SH3RF3: variants seen among roughly 807,000 people sequenced by gnomAD.
SH3RF3 encodes the protein E3 ubiquitin-protein ligase SH3RF3.
A neutral mutation model predicts 66.3 loss-of-function variants in SH3RF3; 29 were observed. The ratio of observed to expected loss-of-function variants is 0.44; its 90% CI spans 0.33 to 0.60. SH3RF3 has a LOEUF of 0.60. Ranked by LOEUF, SH3RF3 falls within the 20% of genes least tolerant of loss-of-function variation. SH3RF3 has a pLI of 0.04. For synonymous variants in SH3RF3, 583 were observed against 532.0 expected (o/e 1.10, Z -1.32); for missense variants, 1,194 against 1,190.9 (o/e 1.00, Z -0.04).
At chr2:109,231,544 C>G (rs1315767836) in intron 1 of SH3RF3, among the ~76,000 whole-genome samples, 1 of 152,202 alleles carries the variant, frequency 6.6e-6, no homozygotes, top group African/African-American at 2.4e-5. Context: ...GATTTTTCCA[C>G]TTGGGCTTTT....
chr2:109,375,402 C>T (rs974683774), intron 3 of SH3RF3, among the ~76,000 whole-genome samples: 1 of 152,228 alleles, frequency 6.6e-6, no homozygotes, highest in Non-Finnish European at 1.5e-5. Context: ...CGCCCCTTGC[C>T]AGGAGCCTAG....
Position 109,282,501 on chromosome 2 carries a change from C to T in SH3RF3, c.574-65173C>T, listed in dbSNP as rs560399045. The stretch of plus-strand genomic sequence containing the variant: ...GGCCCGAGGGTCACCAAGACGCCGG[C>T]CTGCCCTGCGGTGGGAGGACAGGGG... On this transcript the variant is annotated intron_variant, in intron 1 of 9. Transcript: ENST00000309415. Among the ~76,000 whole-genome samples the T allele has an allele frequency of 2.6e-5, 4 of 152,274 alleles. No individual in the cohort carries two copies. In the South Asian group the frequency reaches 8.3e-4, roughly 32 times the overall value.
chr2:109,421,216 T>G (rs1242989312), intron 5 of SH3RF3, among the ~76,000 whole-genome samples: 1 of 152,206 alleles, frequency 6.6e-6, no homozygotes, highest in Non-Finnish European at 1.5e-5. Flanking sequence ...TGATGGAGTT[T>G]CCCAAATGAG....
chr2:109,320,687 A>G (rs1427948396), intron 1 of SH3RF3, among the ~76,000 whole-genome samples: 2 of 152,240 alleles, frequency 1.3e-5, no homozygotes, highest in African/African-American at 2.4e-5. Context: ...AATTACTGGC[A>G]TTCCTCTTCT....
intron 1 of SH3RF3, among the ~76,000 whole-genome samples, chr2:109,159,633 A>C (rs1389141775): frequency 6.6e-6 from 1 of 152,226 alleles, no homozygotes; most frequent in East Asian, 1.9e-4. Context: ...CCTGTTAGGA[A>C]CTGGGTTGCA....
intron 8 of SH3RF3, among the ~76,000 whole-genome samples, chr2:109,476,638 T>C (rs1678690755): frequency 6.6e-6 from 1 of 152,144 alleles, no homozygotes; most frequent in Non-Finnish European, 1.5e-5. Flanking sequence ...GGGGTCCCAA[T>C]CCAGATCCCA....
At chr2:109,355,402 C>T (rs1048289528) in intron 2 of SH3RF3, among the ~76,000 whole-genome samples, 8 of 152,170 alleles carry the variant, frequency 5.3e-5, no homozygotes, top group African/African-American at 1.9e-4. Flanking sequence ...GACTAGGACT[C>T]TCTGACCAAA....
intron 1 of SH3RF3, among the ~76,000 whole-genome samples, chr2:109,189,493 C>T (rs1353446355): frequency 6.6e-6 from 1 of 151,824 alleles, no homozygotes; most frequent in African/African-American, 2.4e-5. Context: ...CTCAACCTCC[C>T]GAGTAGCTGG....
chr2:109,496,010 G>A (rs1679248407), intron 9 of SH3RF3, among the ~76,000 whole-genome samples: 1 of 152,218 alleles, frequency 6.6e-6, no homozygotes, highest in African/African-American at 2.4e-5. Flanking sequence ...GACCTTCGCG[G>A]TGAAGAGCAA....
intron 3 of SH3RF3, among the ~76,000 whole-genome samples, chr2:109,379,165 T>C (rs1480673652): frequency 1.6e-4 from 24 of 152,332 alleles, no homozygotes; most frequent in Non-Finnish European, 3.4e-4. Context: ...TTGTTTTCAG[T>C]GTCTGGAGCA....
chr2:109,431,704 T>A (rs1479609458), intron 5 of SH3RF3, among the ~76,000 whole-genome samples: 1 of 152,150 alleles, frequency 6.6e-6, no homozygotes, highest in Non-Finnish European at 1.5e-5. Flanking sequence ...GGACCCCATC[T>A]TTACAAAAAA....
rs553658651 is a variant in SH3RF3 at position 109,288,884 on chromosome 2, A to G, written c.574-58790A>G. On this transcript the variant is annotated intron_variant, in intron 1 of 9. Coordinates refer to ENST00000309415, the MANE Select transcript of SH3RF3 (RefSeq NM_001099289.3). ...AAACAGATGGGTGTTCCGTAAAGAAAGCGGCACCAGTGTCTGCAGAGCATA... is the reference window on the plus strand; with the variant it reads ...AAACAGATGGGTGTTCCGTAAAGAAGGCGGCACCAGTGTCTGCAGAGCATA... Among the ~76,000 whole-genome samples, 27 of 152,354 alleles carry G rather than the reference A, an allele frequency of 1.8e-4. 1 individual carries two copies. The South Asian group carries it at 5.6e-3, about 32-fold the overall frequency.
intron 2 of SH3RF3, among the ~76,000 whole-genome samples, chr2:109,364,120 C>T (rs542910725): frequency 6.7e-6 from 1 of 149,918 alleles, no homozygotes; most frequent in South Asian, 2.1e-4. Context: ...ACAATTCTTG[C>T]TTTGAAGTTG....
chr2:109,288,227 C>G (rs1681083921), intron 1 of SH3RF3, among the ~76,000 whole-genome samples: 2 of 152,186 alleles, frequency 1.3e-5, no homozygotes, highest in Non-Finnish European at 2.9e-5. Context: ...ATCCCTGGGC[C>G]TCAAGAACAA....
At chr2:109,168,703 G>A (rs1038326749) in intron 1 of SH3RF3, among the ~76,000 whole-genome samples, 2 of 152,148 alleles carry the variant, frequency 1.3e-5, no homozygotes, top group African/African-American at 4.8e-5. Context: ...TGGGTCTGTT[G>A]TGATGCCTTC....
chr2:109,411,972 G>T (rs1419542439), intron 4 of SH3RF3, among the ~76,000 whole-genome samples: 1 of 152,210 alleles, frequency 6.6e-6, no homozygotes, highest in Non-Finnish European at 1.5e-5. Flanking sequence ...GCCTGTGTCA[G>T]GGTGGCCAAG....
intron 8 of SH3RF3, among the ~76,000 whole-genome samples, chr2:109,478,392 C>T (rs1187149939): frequency 6.6e-6 from 1 of 152,210 alleles, no homozygotes; most frequent in African/African-American, 2.4e-5. Context: ...TCAAGATGGG[C>T]CCTCCAGTCT....
chr2:109,341,465 G>A (rs1242204911), intron 1 of SH3RF3, among the ~76,000 whole-genome samples: 1 of 152,222 alleles, frequency 6.6e-6, no homozygotes, highest in Non-Finnish European at 1.5e-5. Flanking sequence ...ACAGTGCTAT[G>A]AAAGTCAGTG....
chr2:109,284,020 G>A (rs1025705430), intron 1 of SH3RF3, among the ~76,000 whole-genome samples: 3 of 152,176 alleles, frequency 2.0e-5, no homozygotes, highest in African/African-American at 4.8e-5. Context: ...TAGGAAAGCC[G>A]AGGGGAGGGT....
Sources: allele counts gnomAD v4.1 joint callset (sites outside exome capture counted in the v4.1 genomes callset), GRCh38; gene constraint gnomAD v4.1.1; transcripts MANE v1.5; gene names NCBI Gene and HGNC (gene_info 2026-07-23, HGNC 2026-07-21).